Variants in RAPGEF4 observed in about 807,000 individuals in gnomAD.
RAPGEF4 encodes Rap guanine nucleotide exchange factor 4, also known as RAP guanine-nucleotide-exchange factor (GEF) 4.
RAPGEF4 carries 66 observed loss-of-function variants against 147.9 expected under a neutral mutation model. The observed-to-expected ratio is 0.45, with a 90% CI of 0.37 to 0.55. The LOEUF (loss-of-function observed/expected upper bound fraction) is 0.55, where lower values mean the gene tolerates loss of function less well. RAPGEF4 is among the 20% of genes least tolerant of loss of function. The pLI is 0.00. For synonymous variants in RAPGEF4, 419 were observed against 442.7 expected (o/e 0.95, Z 0.67); for missense variants, 1,071 against 1,257.3 (o/e 0.85, Z 2.24).
At chr2:173,021,670 G>A (rs2105924512) in intron 23 of RAPGEF4, among the ~76,000 whole-genome samples, 1 of 152,322 alleles carries the variant, frequency 6.6e-6, no homozygotes, top group East Asian at 1.9e-4. Flanking sequence ...GTTTACATAA[G>A]GGATGCATGA....
chr2:172,889,717 C>A, intron 4 of RAPGEF4: 1 of 449,564 alleles, frequency 2.2e-6, no homozygotes, highest in South Asian at 9.4e-5. Flanking sequence ...CCCACTGCAT[C>A]ACTAATCTGA....
intron 1 of RAPGEF4, among the ~76,000 whole-genome samples, chr2:172,792,003 T>C (rs1559043340): frequency 1.3e-5 from 2 of 152,242 alleles, no homozygotes; most frequent in Non-Finnish European, 2.9e-5. Flanking sequence ...GAATCTGCCA[T>C]ATCAATGTCC....
chr2:172,923,523 C>A (rs1684977341), intron 6 of RAPGEF4, among the ~76,000 whole-genome samples: 1 of 152,196 alleles, frequency 6.6e-6, no homozygotes, highest in Admixed American at 6.5e-5. Context: ...CAGCCTGGGC[C>A]TCCCAAAGTG....
intron 1 of RAPGEF4, among the ~76,000 whole-genome samples, chr2:172,787,742 C>G (rs974396168): frequency 3.3e-5 from 5 of 152,028 alleles, no homozygotes; most frequent in African/African-American, 1.2e-4. Context: ...GTCTCAACCT[C>G]CTGAGTAGCT....
At chr2:172,811,549 C>T (rs1332640467) in intron 3 of RAPGEF4, among the ~76,000 whole-genome samples, 1 of 152,146 alleles carries the variant, frequency 6.6e-6, no homozygotes, top group Non-Finnish European at 1.5e-5. Flanking sequence ...TTTGAATAGT[C>T]CCTATTAAAT....
intron 29 of RAPGEF4, among the ~76,000 whole-genome samples, chr2:173,037,140 A>G (rs973866555): frequency 6.6e-6 from 1 of 152,252 alleles, no homozygotes; most frequent in Non-Finnish European, 1.5e-5. Context: ...GCTTACCCCA[A>G]TAAAGTTCGC....
intron 16 of RAPGEF4, among the ~76,000 whole-genome samples, chr2:172,997,266 C>G (rs941976205): frequency 8.5e-5 from 13 of 152,200 alleles, no homozygotes; most frequent in Non-Finnish European, 1.8e-4. Context: ...CTCCCTGTGA[C>G]TCTTCACATA....
chr2:172,921,504 C>G (rs1380772273), intron 5 of RAPGEF4, among the ~76,000 whole-genome samples: 1 of 152,174 alleles, frequency 6.6e-6, no homozygotes, highest in Non-Finnish European at 1.5e-5. Flanking sequence ...CAAACCACCT[C>G]ATACTGCTCC....
At chr2:172,846,570 T>G (rs537461604) in intron 4 of RAPGEF4, among the ~76,000 whole-genome samples, 1 of 152,310 alleles carries the variant, frequency 6.6e-6, no homozygotes, top group South Asian at 2.1e-4. Flanking sequence ...TCTCCCAGAT[T>G]CTGGCCAAAA....
At chr2:172,924,885 G>GA (rs534233286) in intron 6 of RAPGEF4, among the ~76,000 whole-genome samples, 4 of 149,942 alleles carry the variant, frequency 2.7e-5, no homozygotes, top group African/African-American at 4.9e-5. Context: ...ATTATTTGTA[G>GA]AAAAAAAAAA....
At chr2:172,837,322 GA>G (rs1272530628) in intron 4 of RAPGEF4, among the ~76,000 whole-genome samples, 1 of 152,124 alleles carries the variant, frequency 6.6e-6, no homozygotes, top group African/African-American at 2.4e-5. Flanking sequence ...TTATAAGTAA[GA>G]AAATGGAGAC....
intron 1 of RAPGEF4, among the ~76,000 whole-genome samples, chr2:172,748,381 A>G (rs1574680495): frequency 6.6e-6 from 1 of 152,250 alleles, no homozygotes; most frequent in East Asian, 1.9e-4. Flanking sequence ...GTGTCTGGGG[A>G]GGCCTTATAA....
At chr2:172,755,866 G>A (rs1362503207) in intron 1 of RAPGEF4, among the ~76,000 whole-genome samples, 1 of 152,010 alleles carries the variant, frequency 6.6e-6, no homozygotes, top group African/African-American at 2.4e-5. Flanking sequence ...ATTTATTTGG[G>A]CTTTACCAAT....
intron 10 of RAPGEF4, among the ~76,000 whole-genome samples, chr2:172,981,228 T>C (rs920516964): frequency 6.6e-6 from 1 of 152,240 alleles, no homozygotes; most frequent in South Asian, 2.1e-4. Context: ...TTGCTGCTGA[T>C]GTCAAGTAGC....
chr2:173,036,312 G>T (rs1684002729), intron 28 of RAPGEF4, 100 bp downstream of exon 28: 2 of 963,336 alleles, frequency 2.1e-6, no homozygotes, highest in Admixed American at 2.0e-5. Flanking sequence ...AAGAATGATC[G>T]ATCCCATCCT....
At chr2:172,860,189 C>A (rs917157691) in intron 4 of RAPGEF4, 26 of 840,524 alleles carry the variant, frequency 3.1e-5, no homozygotes, top group Non-Finnish European at 3.0e-5. Context: ...TGCAACTTGA[C>A]CATGTTGCCT....
At chr2:172,757,421 T>A (rs561287051) in intron 1 of RAPGEF4, among the ~76,000 whole-genome samples, 2 of 152,356 alleles carry the variant, frequency 1.3e-5, no homozygotes, top group South Asian at 4.1e-4. Flanking sequence ...TAATACCAGA[T>A]GCCCCCAGTG....
chr2:172,947,549 G>A (rs983260977), intron 6 of RAPGEF4, among the ~76,000 whole-genome samples: 1 of 152,038 alleles, frequency 6.6e-6, no homozygotes, highest in Non-Finnish European at 1.5e-5. Flanking sequence ...TTTTCTGGGT[G>A]TCTTTCATGC....
chr2:172,982,121 TA>T (rs1272306361), intron 10 of RAPGEF4, among the ~76,000 whole-genome samples: 8 of 152,240 alleles, frequency 5.3e-5, no homozygotes, highest in African/African-American at 1.9e-4. Context: ...GCACTGATTT[TA>T]AACTTGATTT....
Sources: gnomAD v4.1 joint callset for allele counts (sites outside exome capture counted in the v4.1 genomes callset) on GRCh38, gnomAD v4.1.1 for gene constraint, MANE v1.5 for transcripts, NCBI Gene and HGNC (gene_info 2026-07-23, HGNC 2026-07-21) for gene names.